The following MARCHF1 variants were observed in gnomAD, a reference collection of about 807,000 sequenced individuals.
MARCHF1 encodes the protein membrane associated ring-CH-type finger 1.
In MARCHF1, 40 loss-of-function variants were observed where a neutral mutation model predicts 54.2. The ratio of observed to expected loss-of-function variants is 0.74; its 90% CI spans 0.57 to 0.96. The LOEUF (loss-of-function observed/expected upper bound fraction) is 0.96, where lower values mean the gene tolerates loss of function less well. MARCHF1 is among the 40% of genes least tolerant of loss of function. MARCHF1 has a pLI of 0.00. For missense variants in MARCHF1, 586 were observed against 656.5 expected (o/e 0.89, Z 1.17); for synonymous variants, 236 against 236.3 (o/e 1.00, Z 0.01).
chr4:164,250,545 CTTAA>C lies in MARCHF1; in HGVS notation c.-323+133321_-323+133324del, dbSNP rs561203931. On this transcript the variant is annotated intron_variant, in intron 1 of 9. Coordinates refer to ENST00000514618, the MANE Select transcript of MARCHF1 (RefSeq NM_001394959.1). ...CTTTTAATTTTCCACTTCAAGATTT[CTTAA>C]TTAATAAAGTTAACATCACTTATAT... 1.6e-3 allele frequency among the ~76,000 whole-genome samples: 241 copies of C among 152,020 alleles called. 1 individual carries two copies. The highest frequency in any genetic ancestry group is 5.5e-3 in the African/African-American group (228 of 41,490).
At chr4:163,660,106 A>G (rs1429677983) in intron 5 of MARCHF1, among the ~76,000 whole-genome samples, 1 of 152,142 alleles carries the variant, frequency 6.6e-6, no homozygotes, top group Non-Finnish European at 1.5e-5. Flanking sequence ...ATGTACATGT[A>G]CGTTTACTGC....
At chr4:164,077,502 A>G (rs1407220281) in intron 2 of MARCHF1, among the ~76,000 whole-genome samples, 1 of 152,202 alleles carries the variant, frequency 6.6e-6, no homozygotes, top group East Asian at 1.9e-4. Context: ...AACAAAAGCA[A>G]TGGCAACAAA....
At chr4:163,779,999 G>GT (rs1747418180) in intron 4 of MARCHF1, among the ~76,000 whole-genome samples, 2 of 152,330 alleles carry the variant, frequency 1.3e-5, no homozygotes, top group South Asian at 4.1e-4. Flanking sequence ...CTGCTGAGAA[G>GT]TGAGGACACC....
At chr4:163,555,746 C>A in intron 8 of MARCHF1, 1 of 290,776 alleles carries the variant, frequency 3.4e-6, no homozygotes, top group Non-Finnish European at 7.1e-6. Context: ...AGTCTCTCTT[C>A]CCCAGAGGTT....
At chr4:164,260,116 T>TA (rs1164153430) in intron 1 of MARCHF1, among the ~76,000 whole-genome samples, 6 of 152,154 alleles carry the variant, frequency 3.9e-5, no homozygotes, top group South Asian at 2.1e-4. Flanking sequence ...TTCTTGACAT[T>TA]AAAAAAAATC....
At chr4:163,754,209 C>T (rs997231513) in intron 4 of MARCHF1, among the ~76,000 whole-genome samples, 4 of 152,102 alleles carry the variant, frequency 2.6e-5, no homozygotes, top group Non-Finnish European at 4.4e-5. Context: ...TGGTTCAAGC[C>T]GAGCAAGAAC....
chr4:164,065,697 G>C (rs530191961), intron 2 of MARCHF1, among the ~76,000 whole-genome samples: 10 of 152,296 alleles, frequency 6.6e-5, no homozygotes, highest in African/African-American at 2.4e-4. Context: ...GACTCCATTT[G>C]AGTCCAAAGG....
chr4:163,913,665 G>A (rs1467644271), intron 3 of MARCHF1, among the ~76,000 whole-genome samples: 1 of 152,148 alleles, frequency 6.6e-6, no homozygotes, highest in East Asian at 1.9e-4. Flanking sequence ...AGATAACTGA[G>A]GAGAATGAGC....
At chr4:164,312,627 T>C (rs776268461) in intron 1 of MARCHF1, among the ~76,000 whole-genome samples, 1 of 152,098 alleles carries the variant, frequency 6.6e-6, no homozygotes, top group Non-Finnish European at 1.5e-5. Context: ...GGCCGAATTA[T>C]TTTCTTTACA....
intron 3 of MARCHF1, among the ~76,000 whole-genome samples, chr4:163,948,806 AATAT>A (rs1752073054): frequency 6.6e-6 from 1 of 152,260 alleles, no homozygotes; most frequent in Non-Finnish European, 1.5e-5. Context: ...ACAACTTTGA[AATAT>A]CATGTTAGCT....
At chr4:163,700,694 G>C in intron 5 of MARCHF1, 119 bp downstream of exon 5, 1 of 755,550 alleles carries the variant, frequency 1.3e-6, no homozygotes, top group Non-Finnish European at 2.2e-6. Context: ...TTAAAACCAT[G>C]AACAAATCAC....
intron 1 of MARCHF1, among the ~76,000 whole-genome samples, chr4:164,149,961 T>A (rs1013854199): frequency 6.6e-6 from 1 of 152,208 alleles, no homozygotes; most frequent in South Asian, 2.1e-4. Context: ...GATTTACTGA[T>A]GAAAATCTCT....
At chr4:164,268,758 A>C (rs1357438752) in intron 1 of MARCHF1, among the ~76,000 whole-genome samples, 2 of 152,216 alleles carry the variant, frequency 1.3e-5, no homozygotes, top group African/African-American at 4.8e-5. Context: ...GATATAAAAA[A>C]AGAATCACAC....
At chr4:163,524,525 A>G (rs1738034219), downstream of MARCHF1, 1 of 152,156 alleles carries the variant, frequency 6.6e-6, no homozygotes, top group Non-Finnish European at 1.5e-5. Flanking sequence ...GAAAGTCCAC[A>G]TAGTTTATTT....
At chr4:163,980,285 A>C (rs28651662) in intron 3 of MARCHF1, among the ~76,000 whole-genome samples, 12,952 of 135,494 alleles carry the variant, frequency 0.096, 1,580 homozygotes, top group East Asian at 0.29. Context: ...CCTATTTAAT[A>C]AATGGTGCTG....
intron 7 of MARCHF1, among the ~76,000 whole-genome samples, chr4:163,596,309 A>T (rs1740768141): frequency 6.6e-6 from 1 of 152,036 alleles, no homozygotes; most frequent in African/African-American, 2.4e-5. Context: ...TGGGAAGCCG[A>T]GGCAGGCAGA....
intron 1 of MARCHF1, among the ~76,000 whole-genome samples, chr4:164,144,990 A>G (rs1488474540): frequency 1.5e-5 from 2 of 134,596 alleles, no homozygotes; most frequent in African/African-American, 6.4e-5. Flanking sequence ...TAAAGGGGAT[A>G]TCACCACCGA....
rs541097040 is a variant in MARCHF1 at position 163,525,262 on chromosome 4, A to C, written c.*3486T>G. The C allele has an allele frequency of 3.3e-5, 5 of 152,244 alleles. No homozygotes were observed. Among genetic ancestry groups the C allele is most frequent in the Non-Finnish European group, 7.4e-5 (5 of 67,996 alleles). The allele number at this position is 152,244 out of a possible 1,614,324, so 9.4% of individuals were successfully genotyped here. ...TTCTAATGAGCTAATTTTCCTGCCA[A>C]AGAATAGATGTTTTAAAGAGTACCC... On this transcript the variant is annotated 3_prime_UTR_variant, in exon 10 of 10. Coordinates refer to ENST00000514618, the MANE Select transcript of MARCHF1 (RefSeq NM_001394959.1).
chr4:163,982,384 T>C (rs762962679), intron 3 of MARCHF1, among the ~76,000 whole-genome samples: 2 of 152,212 alleles, frequency 1.3e-5, no homozygotes, highest in South Asian at 4.1e-4. Context: ...TGGGTAAATG[T>C]GCTCTCAGCG....
Sources: gnomAD v4.1 joint callset for allele counts (sites outside exome capture counted in the v4.1 genomes callset) on GRCh38, gnomAD v4.1.1 for gene constraint, MANE v1.5 for transcripts, NCBI Gene and HGNC (gene_info 2026-07-23, HGNC 2026-07-21) for gene names.